Variants in DNAH5 observed in about 807,000 individuals in gnomAD.
DNAH5 encodes dynein axonemal heavy chain 5.
DNAH5 carries 372 observed loss-of-function variants against 518.2 expected under a neutral mutation model. The ratio of observed to expected loss-of-function variants is 0.72; its 90% CI spans 0.66 to 0.78. The LOEUF (loss-of-function observed/expected upper bound fraction) is 0.78. DNAH5 is among the 30% of genes least tolerant of loss of function. The pLI, the probability that DNAH5 is intolerant of heterozygous loss-of-function variation, is 0.00. For synonymous variants in DNAH5, 2,039 were observed against 2,025.9 expected, an observed-to-expected ratio of 1.01 and a Z score of -0.17; for missense variants, 5,523 against 5,687.0, an observed-to-expected ratio of 0.97 and a Z score of 0.93.
At chr5:13,725,663 ATT>A (rs374909179) in intron 70 of DNAH5, among the ~76,000 whole-genome samples, 1 of 149,790 alleles carries the variant, frequency 6.7e-6, no homozygotes, top group Non-Finnish European at 1.5e-5. Context: ...TTTGTTGAGT[ATT>A]TTTTTTTTGA....
rs747041428 is a variant in DNAH5 at position 13,753,466 on chromosome 5, G to C, written c.10639C>G (p.Arg3547Gly). ...ATTTTCCGGGCTTTCATTTCCTTCCGCCAGTCATTTAACAGAAGATCACGA... is the reference window on the plus strand; with the variant it reads ...ATTTTCCGGGCTTTCATTTCCTTCCCCCAGTCATTTAACAGAAGATCACGA... ...EFRDLLLNDWRKEMKARKIPF... is the reference protein window; with the variant it reads ...EFRDLLLNDWGKEMKARKIPF... The change falls in exon 63 of 79, where the codon CGG (arginine) becomes GGG (glycine). Residue 3547 changes from arginine (R) to glycine (G), a missense_variant. Physicochemically the swap from Arg to Gly is moderately radical, Grantham distance 125. Transcript: ENST00000265104. 11 of 1,613,920 alleles carry C rather than the reference G, an allele frequency of 6.8e-6. No homozygotes were observed. The South Asian group carries it at 1.2e-4, about 18-fold the overall frequency.
At chr5:13,869,124 AC>A (rs1769708440) in intron 24 of DNAH5, among the ~76,000 whole-genome samples, 1 of 152,156 alleles carries the variant, frequency 6.6e-6, no homozygotes, top group Non-Finnish European at 1.5e-5. Flanking sequence ...AGCAGGTTGG[AC>A]CATGTGATCC....
chr5:13,706,443 G>A (rs1208098034), intron 76 of DNAH5, among the ~76,000 whole-genome samples: 1 of 152,192 alleles, frequency 6.6e-6, no homozygotes, highest in African/African-American at 2.4e-5. Context: ...TGGAAAGGAA[G>A]CCATGGGGCA....
intron 64 of DNAH5, among the ~76,000 whole-genome samples, chr5:13,751,550 T>A (rs1219002086): frequency 6.6e-6 from 1 of 152,038 alleles, no homozygotes; most frequent in Non-Finnish European, 1.5e-5. Flanking sequence ...GTGAGATGGA[T>A]CCCTTACCCA....
intron 55 of DNAH5, among the ~76,000 whole-genome samples, chr5:13,773,262 A>G (rs193120018): frequency 5.3e-5 from 8 of 152,352 alleles, no homozygotes; most frequent in Admixed American, 2.6e-4. Context: ...TATGTAAAGC[A>G]TAAGTGTTAT....
intron 30 of DNAH5, among the ~76,000 whole-genome samples, chr5:13,856,716 G>T (rs948762385): frequency 2.6e-5 from 4 of 151,756 alleles, no homozygotes; most frequent in African/African-American, 9.7e-5. Flanking sequence ...TTCAACATAT[G>T]CAAATAAACA....
chr5:13,730,797 T>C (rs1351033589), intron 68 of DNAH5, among the ~76,000 whole-genome samples: 1 of 150,942 alleles, frequency 6.6e-6, no homozygotes, highest in African/African-American at 2.4e-5. Flanking sequence ...GCCTCCCAGG[T>C]TCAAGCAATT....
intron 1 of DNAH5, among the ~76,000 whole-genome samples, chr5:13,951,737 C>A (rs1216852683): frequency 6.6e-6 from 1 of 152,142 alleles, no homozygotes; most frequent in Non-Finnish European, 1.5e-5. Context: ...AGAAACCAGA[C>A]AGCTGTGGAA....
intron 55 of DNAH5, among the ~76,000 whole-genome samples, chr5:13,772,830 A>G (rs1408922308): frequency 2.0e-5 from 3 of 152,224 alleles, no homozygotes; most frequent in Non-Finnish European, 4.4e-5. Flanking sequence ...AACACAAACG[A>G]ATGATATATT....
chr5:13,700,380 C>G (rs185332243), intron 78 of DNAH5, among the ~76,000 whole-genome samples: 348 of 152,294 alleles, frequency 2.3e-3, no homozygotes, highest in Non-Finnish European at 4.3e-3. Flanking sequence ...ATCTCATCAG[C>G]TAATATTTCA....
chr5:13,724,644 A>G (rs1745479230), intron 70 of DNAH5, among the ~76,000 whole-genome samples: 1 of 152,170 alleles, frequency 6.6e-6, no homozygotes, highest in African/African-American at 2.4e-5. Context: ...CCAGTGATGA[A>G]AGTGGGGCCT....
rs190307087 is a variant in DNAH5, at chr5:13,841,756, G to A, written c.5420C>T (p.Ala1807Val). Residue 1807 changes from alanine to valine, a missense_variant, in exon 33 of 79, where the codon GCA (alanine) becomes GTA (valine). Ala to Val is a moderately conservative substitution (Grantham distance 64). This residue lies in a region of DNAH5 where 5,121 missense variants were observed against 5,223.3 expected (regional missense o/e 0.98). Coordinates refer to ENST00000265104, the MANE Select transcript of DNAH5 (RefSeq NM_001369.3). ...QSSLHLVIRQ[A>V]AANIQETGFQ... is the part of the protein sequence containing the mutation. ...ACCTGTTTCTTGAATATTTGCGGCT[G>A]CCTGGCGAATCACAAGATGCAATGA... The A allele has an allele frequency of 1.9e-6, 3 of 1,614,036 alleles. No homozygotes were observed. Among genetic ancestry groups the A allele is most frequent in the Admixed American group, 1.7e-5 (1 of 60,016 alleles).
intron 15 of DNAH5, among the ~76,000 whole-genome samples, chr5:13,895,633 A>G (rs1353984751): frequency 6.6e-6 from 1 of 152,150 alleles, no homozygotes; most frequent in Non-Finnish European, 1.5e-5. Context: ...CACACCGGGA[A>G]CCAGTATTGA....
chr5:13,854,879 G>A (rs1371466406), intron 30 of DNAH5, among the ~76,000 whole-genome samples: 3 of 152,204 alleles, frequency 2.0e-5, no homozygotes, highest in Non-Finnish European at 4.4e-5. Flanking sequence ...CAAGTTCTTA[G>A]AGACCTACAA....
At chr5:13,726,717 A>C (rs1252370426) in intron 70 of DNAH5, among the ~76,000 whole-genome samples, 1 of 152,316 alleles carries the variant, frequency 6.6e-6, no homozygotes, top group East Asian at 1.9e-4. Flanking sequence ...ACAGTACCTA[A>C]GTGGACTTGG....
intron 35 of DNAH5, among the ~76,000 whole-genome samples, chr5:13,838,461 CACA>C (rs888141903): frequency 3.3e-5 from 5 of 152,128 alleles, no homozygotes; most frequent in African/African-American, 1.2e-4. Flanking sequence ...CTCATAGGAG[CACA>C]ACCTTTATTA....
chr5:13,986,362 A>G lies in DNAH5; in HGVS notation c.12+25286T>C, dbSNP rs533010319. ...CCTCTAGACCACTTCAAGTCATTCC[A>G]GAAATGGCTGAGCCCTTTCACCCTA... On this transcript the variant is annotated intron_variant, in intron 1 of 78. Transcript: ENST00000681290. 1.3e-5 allele frequency among the ~76,000 whole-genome samples: 2 copies of G among 152,308 alleles called. 1 individual carries two copies. Among genetic ancestry groups the G allele is most frequent in the South Asian group, 4.1e-4 (2 of 4,828 alleles).
At chr5:13,758,473 C>A (rs1847079) in intron 61 of DNAH5, among the ~76,000 whole-genome samples, 47,170 of 151,916 alleles carry the variant, frequency 0.31, 7,857 homozygotes, top group South Asian at 0.44. Flanking sequence ...CCAGCCTGGA[C>A]GACAGAGCAA....
chr5:13,928,921 G>A (rs1328686008), intron 2 of DNAH5, among the ~76,000 whole-genome samples: 1 of 152,156 alleles, frequency 6.6e-6, no homozygotes, highest in African/African-American at 2.4e-5. Flanking sequence ...AGCCGTTGTG[G>A]AAAACAGTAT....
Sources: allele counts gnomAD v4.1 joint callset (sites outside exome capture counted in the v4.1 genomes callset), GRCh38; gene constraint gnomAD v4.1.1; regional missense constraint gnomAD v4.1.1; transcripts MANE v1.5; gene names NCBI Gene and HGNC (gene_info 2026-07-23, HGNC 2026-07-21).